The following MAMDC2 variants were observed in gnomAD, a reference collection of about 807,000 sequenced individuals.
The protein encoded by MAMDC2 is MAM domain-containing protein 2.
A neutral mutation model predicts 89.8 loss-of-function variants in MAMDC2; 57 were observed. The ratio of observed to expected loss-of-function variants is 0.63; its 90% confidence interval spans 0.51 to 0.79. The LOEUF is 0.79. Among genes scored for constraint, MAMDC2 ranks in the 30% least tolerant of loss-of-function variants. The pLI, the probability that MAMDC2 is intolerant of heterozygous loss-of-function variation, is 0.00. For missense variants in MAMDC2, 800 were observed against 820.6 expected, an observed-to-expected ratio of 0.97 and a Z score of 0.31; for synonymous variants, 313 against 293.4, an observed-to-expected ratio of 1.07 and a Z score of -0.68.
chr9:70,131,673 G>T, intron 7 of MAMDC2, 61 bp downstream of exon 7: 1 of 1,214,038 alleles, frequency 8.2e-7, no homozygotes, highest in Non-Finnish European at 1.2e-6. Context: ...GATGTTTGTG[G>T]TCAGAACTTG....
At chr9:70,215,446 AAAGTTG>A in intron 11 of MAMDC2, among the ~76,000 whole-genome samples, 1 of 152,342 alleles carries the variant, frequency 6.6e-6, no homozygotes, top group Non-Finnish European at 1.5e-5. Flanking sequence ...AATGAGATGA[AAAGTTG>A]AAGTTGACTG....
In MAMDC2 at chr9:70,150,849, G is replaced by C. The variant is rs915083432; in HGVS notation, c.1404+7030G>C. Among the ~76,000 whole-genome samples, 11 of 152,274 alleles carry C rather than the reference G, an allele frequency of 7.2e-5. No homozygotes were observed. In the East Asian group the frequency reaches 7.7e-4, roughly 11 times the overall value. ...TCTTACTCTCTCTATACTCCAGAGA[G>C]AGACAGAGAGACGCAGCAGCCAGAA... On this transcript the variant is annotated intron_variant, in intron 9 of 13. Transcript: ENST00000377182.
At chr9:70,180,215 A>G (rs2032610765) in intron 11 of MAMDC2, among the ~76,000 whole-genome samples, 1 of 152,310 alleles carries the variant, frequency 6.6e-6, no homozygotes, top group African/African-American at 2.4e-5. Flanking sequence ...ATGGCTGCAT[A>G]GTATTTCATG....
In MAMDC2 at chr9:70,223,083, G is replaced by A. The variant is rs75699788; in HGVS notation, c.1912-2667G>A. 1.6e-4 allele frequency among the ~76,000 whole-genome samples: 23 copies of A among 144,662 alleles called. No homozygotes were observed. In the East Asian group the frequency reaches 3.4e-3, roughly 22 times the overall value. The allele number at this position is 144,662 out of a possible 152,430, so 94.9% of individuals were successfully genotyped here. ...GAGCCCAGGAGGCAGAGGTTGCAGT[G>A]AGCTGATATCGCATCACTGCACTCC... On this transcript the variant is annotated intron_variant, in intron 12 of 13. Coordinates refer to ENST00000377182, the MANE Select transcript of MAMDC2 (RefSeq NM_153267.5).
intron 11 of MAMDC2, among the ~76,000 whole-genome samples, chr9:70,175,601 A>G (rs1456042822): frequency 2.0e-5 from 3 of 152,220 alleles, no homozygotes; most frequent in African/African-American, 7.2e-5. Flanking sequence ...TATAGTATAC[A>G]TAGGGTTCAG....
rs575292163 is a variant in MAMDC2 at position 70,123,239 on chromosome 9, A to C, written c.644-2920A>C. 3.9e-5 allele frequency among the ~76,000 whole-genome samples: 6 copies of C among 152,320 alleles called. No homozygotes were observed. The East Asian group carries it at 1.2e-3, about 29-fold the overall frequency. ...AATGAAGACTTCATCTCTGTCTTTG[A>C]TATTCACATGAGTTCTTAGAGAACA... On this transcript the variant is annotated intron_variant, in intron 5 of 13. Coordinates refer to ENST00000377182, the MANE Select transcript of MAMDC2 (RefSeq NM_153267.5).
At chr9:70,154,402 C>T (rs2031678089) in intron 9 of MAMDC2, among the ~76,000 whole-genome samples, 1 of 151,970 alleles carries the variant, frequency 6.6e-6, no homozygotes, top group African/African-American at 2.4e-5. Flanking sequence ...AACTATAATC[C>T]CTTATAGCAT....
Position 70,143,726 on chromosome 9 carries a change from T to A in MAMDC2, c.1311T>A (p.His437Gln), listed in dbSNP as rs1314170095. Residue 437 changes from histidine to glutamine, a missense_variant, in exon 9 of 14, where the codon CAT (histidine) becomes CAA (glutamine). Coordinates refer to ENST00000377182, the MANE Select transcript of MAMDC2 (RefSeq NM_153267.5). ...CAGTTTACATCTTTGAAGAGAACCA[T>A]GTGGTTCAAGAGAAGATCTGGTCTG... Reference protein sequence around the residue: ...TLAVYIFEENHVVQEKIWSVL... With the variant: ...TLAVYIFEENQVVQEKIWSVL... The A allele has an allele frequency of 1.2e-6, 2 of 1,614,122 alleles. No individual in the cohort carries two copies. The highest frequency in any genetic ancestry group is 2.2e-5 in the South Asian group (2 of 91,082).
intron 11 of MAMDC2, among the ~76,000 whole-genome samples, chr9:70,208,874 G>C (rs1330500629): frequency 1.3e-5 from 2 of 152,082 alleles, no homozygotes; most frequent in African/African-American, 2.4e-5. Context: ...CCTTTTCTGT[G>C]TCTATTGAGA....
chr9:70,131,400 T>C (rs569538393), intron 6 of MAMDC2, 119 bp from the exon 7 acceptor site: 12 of 665,712 alleles, frequency 1.8e-5, no homozygotes, highest in East Asian at 1.4e-4. Flanking sequence ...TCTGATTCCA[T>C]GAGTCCTTGT....
At chr9:70,145,064 T>A (rs17088889) in intron 9 of MAMDC2, among the ~76,000 whole-genome samples, 1 of 152,206 alleles carries the variant, frequency 6.6e-6, no homozygotes, top group Non-Finnish European at 1.5e-5. Flanking sequence ...CCTCCTTGAC[T>A]TACTGATTTC....
At chr9:70,225,599 C>T (rs1438674171) in intron 12 of MAMDC2, 151 bp from the exon 13 acceptor site, 6 of 507,864 alleles carry the variant, frequency 1.2e-5, no homozygotes, top group South Asian at 4.0e-5. Flanking sequence ...TCTTTAATAC[C>T]TAGATTTCAA....
At chr9:70,129,190 G>T (rs770876072) in intron 6 of MAMDC2, among the ~76,000 whole-genome samples, 11 of 152,188 alleles carry the variant, frequency 7.2e-5, no homozygotes, top group Admixed American at 7.2e-4. Flanking sequence ...CCAGTGGGAG[G>T]TAATTAAATT....
At chr9:70,118,785 G>C (rs1382602238) in intron 5 of MAMDC2, among the ~76,000 whole-genome samples, 3 of 152,212 alleles carry the variant, frequency 2.0e-5, no homozygotes, top group African/African-American at 7.2e-5. Context: ...GAACTGCAGA[G>C]AAGGTTGAGG....
chr9:70,151,056 A>T (rs1199310668), intron 9 of MAMDC2, among the ~76,000 whole-genome samples: 1 of 152,194 alleles, frequency 6.6e-6, no homozygotes, highest in African/African-American at 2.4e-5. Context: ...CACAGTCCAC[A>T]TAGTTACGTG....
chr9:70,064,449 T>A (rs1827219330), intron 2 of MAMDC2, among the ~76,000 whole-genome samples: 1 of 152,180 alleles, frequency 6.6e-6, no homozygotes. Context: ...TGAATTAAAA[T>A]TTTAAAACTC....
intron 2 of MAMDC2, among the ~76,000 whole-genome samples, chr9:70,072,719 T>C (rs1008321235): frequency 1.3e-5 from 2 of 152,056 alleles, no homozygotes; most frequent in African/African-American, 4.8e-5. Flanking sequence ...TTGAGCTAAA[T>C]AATTGTGTCT....
intron 7 of MAMDC2, among the ~76,000 whole-genome samples, chr9:70,132,982 C>A (rs1309279272): frequency 2.6e-5 from 4 of 152,088 alleles, no homozygotes; most frequent in Non-Finnish European, 5.9e-5. Context: ...ATGATTTAAT[C>A]CAAACAATAA....
chr9:70,108,572 A>G, intron 3 of MAMDC2, 90 bp downstream of exon 3: 4 of 1,152,834 alleles, frequency 3.5e-6, no homozygotes, highest in Non-Finnish European at 4.8e-6. Context: ...CATGGAGGTT[A>G]GTTATCTCCT....
Sources: gnomAD v4.1 joint callset for allele counts (sites outside exome capture counted in the v4.1 genomes callset) on GRCh38, gnomAD v4.1.1 for gene constraint, MANE v1.5 for transcripts, NCBI Gene and HGNC (gene_info 2026-07-23, HGNC 2026-07-21) for gene names.